ZFAND5: variants seen among roughly 807,000 people sequenced by gnomAD.
The protein encoded by ZFAND5 is zinc finger AN1-type containing 5.
ZFAND5 carries 4 observed loss-of-function variants against 23.6 expected under a neutral mutation model. The observed-to-expected ratio is 0.17, with a 90% confidence interval of 0.08 to 0.39. The LOEUF is 0.39. ZFAND5 is among the 10% of genes least tolerant of loss of function. The pLI is 1.00. For synonymous variants in ZFAND5, 68 were observed against 80.6 expected (o/e 0.84, Z 0.84); for missense variants, 161 against 253.7 (o/e 0.63, Z 2.48).
At chr9:72,357,187 G>A (rs1841968243) in intron 5 of ZFAND5, 131 bp from the exon 6 acceptor site, 1 of 1,099,068 alleles carries the variant, frequency 9.1e-7, no homozygotes. Flanking sequence ...GAAAATACAA[G>A]CTTTAAACAG....
At chr9:72,358,711 T>A (rs1842011221) in intron 5 of ZFAND5, among the ~76,000 whole-genome samples, 1 of 152,146 alleles carries the variant, frequency 6.6e-6, no homozygotes, top group Non-Finnish European at 1.5e-5. Flanking sequence ...CAAAGCAGAC[T>A]GTATAACCAC....
At chr9:72,357,623 C>G (rs554738958) in intron 5 of ZFAND5, among the ~76,000 whole-genome samples, 1 of 152,248 alleles carries the variant, frequency 6.6e-6, no homozygotes, top group South Asian at 2.1e-4. Flanking sequence ...CACAGGTGCA[C>G]TAAACATCAT....
At chr9:72,359,618 C>A in intron 4 of ZFAND5, 97 bp from the exon 5 acceptor site, 1 of 1,128,938 alleles carries the variant, frequency 8.9e-7, no homozygotes, top group South Asian at 1.6e-5. Flanking sequence ...TAGAATATTT[C>A]CAAAATGAGC....
At position 72,354,274 on chromosome 9, in the gene ZFAND5, T is replaced by TA. The variant is rs1167432457; in HGVS notation, c.*1678_*1679insT. ...AATCCCAAAGGTGCCTATTGAATTC[T>TA]TCAAAAATAAACTGCCTATCAGGTA... is the stretch of plus-strand genomic sequence containing the variant. On this transcript the variant is annotated 3_prime_UTR_variant, in exon 7 of 7. Coordinates refer to ENST00000376962, the MANE Select transcript of ZFAND5 (RefSeq NM_001102420.3). The TA allele has an allele frequency of 7.2e-5, 11 of 152,262 alleles. No homozygotes were observed. The highest frequency in any genetic ancestry group is 2.7e-4 in the African/African-American group (11 of 41,464). The allele number at this position is 152,262 out of a possible 1,614,324, so 9.4% of individuals were successfully genotyped here. A position where few individuals can be genotyped will look rare whatever the true frequency, so the allele number is the denominator to read the frequency against.
intron 4 of ZFAND5, 46 bp downstream of exon 4, chr9:72,360,064 T>C (rs1168476142): frequency 2.0e-6 from 3 of 1,523,362 alleles, no homozygotes; most frequent in Non-Finnish European, 2.7e-6. Flanking sequence ...GACATCTTGA[T>C]TTCTTCTTTG....
rs1231764478 is a variant in ZFAND5 at position 72,351,640 on chromosome 9, A to G, written c.*4313T>C. On this transcript the variant is annotated 3_prime_UTR_variant, in exon 7 of 7. Transcript: ENST00000376962. ...TACACGGTATTTATTCAATGACTGT[A>G]TATTTAGTCACCACCTCAACCACTG... The G allele has an allele frequency of 7.0e-6, 1 of 143,416 alleles. No individual in the cohort carries two copies. The highest frequency in any genetic ancestry group is 1.5e-5 in the Non-Finnish European group (1 of 65,940). The allele number at this position is 143,416 out of a possible 1,614,324, so 8.9% of individuals were successfully genotyped here.
Position 72,354,261 on chromosome 9 carries a change from G to A in ZFAND5, c.*1692C>T, listed in dbSNP as rs941771045. The A allele has an allele frequency of 5.9e-5, 9 of 152,106 alleles. No homozygotes were observed. The highest frequency in any genetic ancestry group is 5.9e-4 in the Admixed American group (9 of 15,272). The allele number at this position is 152,106 out of a possible 1,614,324, so 9.4% of individuals were successfully genotyped here. A position where few individuals can be genotyped will look rare whatever the true frequency, so the allele number is the denominator to read the frequency against. Reference sequence around the variant, plus strand: ...TTAAAATTGTTTTAATCCCAAAGGTGCCTATTGAATTCTTCAAAAATAAAC... The same window carrying A: ...TTAAAATTGTTTTAATCCCAAAGGTACCTATTGAATTCTTCAAAAATAAAC... On this transcript the variant is annotated 3_prime_UTR_variant, in exon 7 of 7. Coordinates refer to ENST00000376962, the MANE Select transcript of ZFAND5 (RefSeq NM_001102420.3).
rs1484520926 is a variant in ZFAND5, at chr9:72,355,880, C to T, written c.*73G>A. 9 of 1,390,044 alleles carry T rather than the reference C, an allele frequency of 6.5e-6. No individual in the cohort carries two copies. The highest frequency in any genetic ancestry group is 1.5e-5 in the African/African-American group (1 of 68,904). The allele number at this position is 1,390,044 out of a possible 1,614,324, so 86.1% of individuals were successfully genotyped here. A position where few individuals can be genotyped will look rare whatever the true frequency, so the allele number is the denominator to read the frequency against. ...AGAACATCAAAGAAAAATGGCCATG[C>T]ATCTGCTCTTTAATGTTTTCCTACG... On this transcript the variant is annotated 3_prime_UTR_variant, in exon 7 of 7. Transcript: ENST00000376962.
Position 72,365,176 on chromosome 9 carries a change from G to C in ZFAND5, c.-627C>G, listed in dbSNP as rs928903276. The stretch of plus-strand genomic sequence containing the variant: ...CGGGAGCGAGCGAGCCCGCGTAGGA[G>C]ATGCACACAGCTCCGCGTCCCGGCC... On this transcript the variant is annotated 5_prime_UTR_variant, in exon 1 of 7. It adds an upstream start codon to the 5' untranslated region. Coordinates refer to ENST00000376962, the MANE Select transcript of ZFAND5 (RefSeq NM_001102420.3). 1.3e-5 allele frequency: 2 copies of C among 152,302 alleles called. No homozygotes were observed. Among genetic ancestry groups the C allele is most frequent in the East Asian group, 1.9e-4 (1 of 5,156 alleles). The allele number at this position is 152,302 out of a possible 1,614,324, so 9.4% of individuals were successfully genotyped here.
intron 2 of ZFAND5, among the ~76,000 whole-genome samples, chr9:72,362,009 G>C (rs1223183596): frequency 6.6e-6 from 1 of 152,082 alleles, no homozygotes; most frequent in Non-Finnish European, 1.5e-5. Context: ...TGGGAGAAGG[G>C]GACTAACCAA....
In ZFAND5 at chr9:72,359,521, T is replaced by A. The variant is rs1379504626; in HGVS notation, c.264A>T (p.Arg88Ser). Residue 88 changes from arginine (R) to serine (S), a missense_variant and splice_region_variant, in exon 5 of 7, where the codon AGA becomes AGT. Transcript: ENST00000376962. Reference protein sequence around the residue: ...GAAGSTSEKSRNVPVAALPVT... With the variant: ...GAAGSTSEKSSNVPVAALPVT... ...CAGGCAAGGCAGCCACAGGCACATT[T>A]CTATTTGAGTTCAAGCAAACAATTT... is the stretch of plus-strand genomic sequence containing the variant. 1.2e-6 allele frequency: 2 copies of A among 1,613,200 alleles called. No homozygotes were observed. Among genetic ancestry groups the A allele is most frequent in the South Asian group, 1.1e-5 (1 of 90,948 alleles).
chr9:72,360,442 A>C (rs1041699264), intron 3 of ZFAND5, 186 bp downstream of exon 3: 1 of 883,060 alleles, frequency 1.1e-6, no homozygotes, highest in Admixed American at 2.7e-5. Flanking sequence ...CTGAAAAGCT[A>C]TAAGATGCTT....
At chr9:72,362,932 C>T (rs1842147367) in intron 2 of ZFAND5, among the ~76,000 whole-genome samples, 1 of 152,104 alleles carries the variant, frequency 6.6e-6, no homozygotes, top group South Asian at 2.1e-4. Flanking sequence ...TCAAAGCCTG[C>T]CAACTCCTAC....
In ZFAND5 at chr9:72,354,601, A is replaced by G. The variant is rs963856553; in HGVS notation, c.*1352T>C. On this transcript the variant is annotated 3_prime_UTR_variant, in exon 7 of 7. Transcript: ENST00000376962. ...CAGAACTAAGGTACATAAAATTGAA[A>G]GCAAAACTGAATGCTTTAAGAATAA... 2.0e-4 allele frequency: 30 copies of G among 152,690 alleles called. No homozygotes were observed. The highest frequency in any genetic ancestry group is 4.1e-4 in the Non-Finnish European group (28 of 68,046). 9.5% of individuals were successfully genotyped at this position (152,690 alleles called of 1,614,324 possible).
At position 72,352,146 on chromosome 9, in the gene ZFAND5, C is replaced by T. The variant is rs539794883; in HGVS notation, c.*3807G>A. On this transcript the variant is annotated 3_prime_UTR_variant, in exon 7 of 7. Coordinates refer to ENST00000376962, the MANE Select transcript of ZFAND5 (RefSeq NM_001102420.3). The stretch of plus-strand genomic sequence containing the variant: ...TCTCTCTACTAAAAATACAAAAAAA[C>T]CCAAAAAACAAAAAACATTAGCCAG... 1 of 151,982 alleles carries T rather than the reference C, an allele frequency of 6.6e-6. No homozygotes were observed. Among genetic ancestry groups the T allele is most frequent in the Non-Finnish European group, 1.5e-5 (1 of 68,008 alleles). The allele number at this position is 151,982 out of a possible 1,614,324, so 9.4% of individuals were successfully genotyped here. A position where few individuals can be genotyped will look rare whatever the true frequency, so the allele number is the denominator to read the frequency against.
chr9:72,364,604 G>A (rs988384603), intron 1 of ZFAND5, 92 bp downstream of exon 1: 6 of 1,217,156 alleles, frequency 4.9e-6, no homozygotes, highest in South Asian at 1.4e-5. Context: ...CTCCGGCTTC[G>A]CCATTGGCCC....
chr9:72,356,915 TTG>T lies in ZFAND5; in HGVS notation c.493+14_493+15del, dbSNP rs1453043514. 2.5e-6 allele frequency: 4 copies of T among 1,611,414 alleles called. No individual in the cohort carries two copies. The highest frequency in any genetic ancestry group is 2.2e-4 in the Middle Eastern group (1 of 4,610). On this transcript the variant is annotated intron_variant, in intron 6 of 6. Transcript: ENST00000376962. ...CTGCAGAAGTAAAACATACATTGTC[TTG>T]TGTTTTGTAATACCTGTAAGACCAA...
intron 1 of ZFAND5, chr9:72,364,390 G>C: frequency 8.5e-7 from 1 of 1,181,884 alleles, no homozygotes; most frequent in Non-Finnish European, 1.1e-6. Context: ...GCCCACGCCG[G>C]GCGCCGCCGC....
intron 2 of ZFAND5, among the ~76,000 whole-genome samples, chr9:72,362,920 T>C (rs1842146586): frequency 6.6e-6 from 1 of 152,104 alleles, no homozygotes; most frequent in Admixed American, 6.5e-5. Flanking sequence ...TCTATTTATA[T>C]CTCAAAGCCT....
Sources: gnomAD v4.1 joint callset for allele counts (sites outside exome capture counted in the v4.1 genomes callset) on GRCh38, gnomAD v4.1.1 for gene constraint, MANE v1.5 for transcripts, NCBI Gene and HGNC (gene_info 2026-07-23, HGNC 2026-07-21) for gene names.